The following LOXHD1 variants were observed in gnomAD, a reference collection of about 807,000 sequenced individuals.
The protein encoded by LOXHD1 is lipoxygenase homology domain-containing protein 1.
A neutral mutation model predicts 248.2 loss-of-function variants in LOXHD1; 205 were observed. That is an observed-to-expected ratio of 0.83 (90% confidence interval 0.74 to 0.93). The LOEUF is 0.93. Ranked by LOEUF, LOXHD1 falls within the 40% of genes least tolerant of loss-of-function variation. The probability of loss-of-function intolerance (pLI) is 0.00; values close to 1 mark genes in which losing one functional copy is unlikely to be tolerated. For missense variants in LOXHD1, 2,930 were observed against 2,971.6 expected (o/e 0.99, Z 0.33); for synonymous variants, 1,113 against 1,162.8 (o/e 0.96, Z 0.87).
chr18:46,572,036 C>T (rs1252993521), intron 15 of LOXHD1, 50 bp downstream of exon 15: 1 of 1,480,108 alleles, frequency 6.8e-7, no homozygotes, highest in Admixed American at 2.0e-5. Flanking sequence ...GAGGGAAGGC[C>T]CCTGTCTCAC....
chr18:46,495,745 G>A (rs577069077), intron 37 of LOXHD1, among the ~76,000 whole-genome samples: 1 of 152,260 alleles, frequency 6.6e-6, no homozygotes, highest in East Asian at 1.9e-4. Flanking sequence ...ATTCGCCATG[G>A]AGTGGAAATT....
rs1599023749 is a variant in LOXHD1, at chr18:46,579,768, C to T, written c.1671G>A (p.Val557=). The change falls in exon 13 of 41, where the codon GTG becomes GTA. Residue 557 remains valine (V), a synonymous_variant. Transcript: ENST00000642948. ...CTTCAAGTTCACCTGTGCACACAGTCACATGGTACCGGGCCACTGGCAGGC... is the reference window on the plus strand; with the variant it reads ...CTTCAAGTTCACCTGTGCACACAGTTACATGGTACCGGGCCACTGGCAGGC... ...RRIMGMARYH[V]TVCTGELEGA... 1.9e-6 allele frequency: 3 copies of T among 1,551,798 alleles called. No homozygotes were observed. Among genetic ancestry groups the T allele is most frequent in the Admixed American group, 2.0e-5 (1 of 51,008 alleles).
intron 12 of LOXHD1, among the ~76,000 whole-genome samples, chr18:46,590,535 C>T (rs187154941): frequency 2.0e-5 from 3 of 152,286 alleles, no homozygotes; most frequent in Non-Finnish European, 4.4e-5. Context: ...CAGGTAAGAA[C>T]AGGTGTATTT....
chr18:46,578,297 T>C (rs938646062), intron 13 of LOXHD1, among the ~76,000 whole-genome samples: 3 of 152,146 alleles, frequency 2.0e-5, no homozygotes, highest in Non-Finnish European at 2.9e-5. Context: ...TGAGGCAGCA[T>C]AACAGTAGGG....
intron 18 of LOXHD1, among the ~76,000 whole-genome samples, chr18:46,561,243 C>T (rs2037525002): frequency 6.6e-6 from 1 of 152,052 alleles, no homozygotes. Context: ...CCTCTTCATC[C>T]TCACAAGCTG....
chr18:46,515,596 C>A (rs921712422), intron 34 of LOXHD1, among the ~76,000 whole-genome samples: 2 of 152,124 alleles, frequency 1.3e-5, no homozygotes, highest in Non-Finnish European at 2.9e-5. Context: ...CCTCTTCCAC[C>A]AGCAATTAAG....
In LOXHD1 at chr18:46,487,897, GC is replaced by G. The variant is rs1046581098; in HGVS notation, c.6049+1074del. 5.6e-3 allele frequency among the ~76,000 whole-genome samples: 849 copies of G among 152,290 alleles called. 7 individuals are homozygous for G. Among genetic ancestry groups the G allele is most frequent in the African/African-American group, 0.019 (789 of 41,560 alleles). On this transcript the variant is annotated intron_variant, in intron 38 of 40. Transcript: ENST00000642948. ...AGCCAATATATTCCCTTTTGCTACA[GC>G]CAGCTTAGGATTGGGTTTCAGGTAC...
At chr18:46,571,691 G>A (rs1833020506) in intron 15 of LOXHD1, among the ~76,000 whole-genome samples, 1 of 152,140 alleles carries the variant, frequency 6.6e-6, no homozygotes, top group South Asian at 2.1e-4. Context: ...CCAAAGCAAT[G>A]GAAGAAATGT....
At chr18:46,560,924 G>C (rs945539758) in intron 18 of LOXHD1, among the ~76,000 whole-genome samples, 6 of 152,074 alleles carry the variant, frequency 3.9e-5, no homozygotes, top group Non-Finnish European at 7.4e-5. Flanking sequence ...TACTTGGCCT[G>C]CCTTTATCCC....
intron 39 of LOXHD1, among the ~76,000 whole-genome samples, chr18:46,484,066 T>A (rs1437970920): frequency 2.0e-5 from 3 of 152,060 alleles, no homozygotes; most frequent in Non-Finnish European, 4.4e-5. Flanking sequence ...GTAACAGACA[T>A]GTCTTAGCAA....
In LOXHD1 at chr18:46,542,630, T is replaced by C. The variant is rs954479940; in HGVS notation, c.3748+97A>G. 6.2e-5 allele frequency: 88 copies of C among 1,412,778 alleles called. No individual in the cohort carries two copies. In the African/African-American group the frequency reaches 1.1e-3, roughly 18 times the overall value. The allele number at this position is 1,412,778 out of a possible 1,614,324, so 87.5% of individuals were successfully genotyped here. A position where few individuals can be genotyped will look rare whatever the true frequency, so the allele number is the denominator to read the frequency against. On this transcript the variant is annotated intron_variant, in intron 24 of 40. Coordinates refer to ENST00000642948, the MANE Select transcript of LOXHD1 (RefSeq NM_001384474.1). ...AAGCTGTGTCATTACAGAAGACAGATGGCATTCAAATTTCCAGAATCTTTC... is the reference window on the plus strand; with the variant it reads ...AAGCTGTGTCATTACAGAAGACAGACGGCATTCAAATTTCCAGAATCTTTC...
chr18:46,532,071 T>C (rs139233593), intron 28 of LOXHD1, among the ~76,000 whole-genome samples: 1 of 152,352 alleles, frequency 6.6e-6, no homozygotes, highest in African/African-American at 2.4e-5. Context: ...AAGACCTGTC[T>C]TCCTGTCTCC....
At chr18:46,500,723 C>T (rs2034172511) in intron 37 of LOXHD1, among the ~76,000 whole-genome samples, 1 of 152,142 alleles carries the variant, frequency 6.6e-6, no homozygotes, top group African/African-American at 2.4e-5. Context: ...TAGCTTCCAC[C>T]CCTATTCCCT....
chr18:46,526,774 A>G (rs1324601110), intron 29 of LOXHD1, among the ~76,000 whole-genome samples: 1 of 152,234 alleles, frequency 6.6e-6, no homozygotes, highest in African/African-American at 2.4e-5. Context: ...CAGAGAGACC[A>G]TGCTGGCTCA....
chr18:46,621,855 A>G (rs773437881), intron 4 of LOXHD1, among the ~76,000 whole-genome samples: 1 of 152,240 alleles, frequency 6.6e-6, no homozygotes, highest in Non-Finnish European at 1.5e-5. Flanking sequence ...TGAAAATGAC[A>G]TGGTGGATTC....
intron 21 of LOXHD1, among the ~76,000 whole-genome samples, chr18:46,551,294 G>T (rs767761575): frequency 6.6e-6 from 1 of 151,788 alleles, no homozygotes; most frequent in African/African-American, 2.4e-5. Flanking sequence ...TAGTAGATAC[G>T]GGGTTTCACC....
In LOXHD1 at chr18:46,524,699, T is replaced by C; in HGVS notation, c.4740+9A>G. The C allele has an allele frequency of 6.4e-7, 1 of 1,551,706 alleles. No individual in the cohort carries two copies. The highest frequency in any genetic ancestry group is 8.7e-7 in the Non-Finnish European group (1 of 1,146,986). On this transcript the variant is annotated intron_variant, in intron 30 of 40. Coordinates refer to ENST00000642948, the MANE Select transcript of LOXHD1 (RefSeq NM_001384474.1). ...GATGGCCACAGGCCCTATATACCCC[T>C]TGGCTCACCTTCTCGTAAAAGAGCC... is the stretch of plus-strand genomic sequence containing the variant.
chr18:46,584,759 G>A (rs643395), intron 12 of LOXHD1, among the ~76,000 whole-genome samples: 30,105 of 151,898 alleles, frequency 0.2, 3,527 homozygotes, highest in African/African-American at 0.31. Flanking sequence ...TGACAAAGAC[G>A]TCATAAGAAA....
chr18:46,619,731 G>A (rs905763013), intron 4 of LOXHD1, among the ~76,000 whole-genome samples: 1 of 152,198 alleles, frequency 6.6e-6, no homozygotes, highest in African/African-American at 2.4e-5. Context: ...GCCCCACAGA[G>A]GACAGCCCAC....
Sources: gnomAD v4.1 joint callset for allele counts (sites outside exome capture counted in the v4.1 genomes callset) on GRCh38, gnomAD v4.1.1 for gene constraint, MANE v1.5 for transcripts, NCBI Gene and HGNC (gene_info 2026-07-23, HGNC 2026-07-21) for gene names.